Variants in VPS8 observed in about 807,000 individuals in gnomAD.
VPS8 encodes vacuolar protein sorting-associated protein 8 homolog.
In VPS8, 129 loss-of-function variants were observed where a neutral mutation model predicts 216.4. The ratio of observed to expected loss-of-function variants is 0.60; its 90% CI spans 0.52 to 0.69. The LOEUF is 0.69. Among genes scored for constraint, VPS8 ranks in the 30% least tolerant of loss-of-function variants. The pLI, the probability that VPS8 is intolerant of heterozygous loss-of-function variation, is 0.00. For synonymous variants in VPS8, 571 were observed against 565.4 expected (o/e 1.01, Z -0.14); for missense variants, 1,531 against 1,683.5 (o/e 0.91, Z 1.59).
At chr3:184,859,648 A>G (rs1332162741) in intron 14 of VPS8, among the ~76,000 whole-genome samples, 1 of 152,132 alleles carries the variant, frequency 6.6e-6, no homozygotes, top group Non-Finnish European at 1.5e-5. Context: ...ACTTCCTCAC[A>G]CCATGTCACC....
At position 184,936,264 on chromosome 3, in the gene VPS8, C is replaced by A. The variant is rs200456100; in HGVS notation, c.2917C>A (p.Pro973Thr). The stretch of plus-strand genomic sequence containing the variant: ...ACTCCAGGAACTCGTGTCCCTGAAG[C>A]CTTGTAAAGCTGCGGAGCTGGTTGC... ...DHIEELVSLK[P>T]CKAAELVATH... Residue 973 changes from proline to threonine, a missense_variant, in exon 35 of 48, where the codon CCT becomes ACT. Transcript: ENST00000625842. The A allele has an allele frequency of 1.9e-6, 3 of 1,610,048 alleles. No individual in the cohort carries two copies. In the South Asian group the frequency reaches 3.3e-5, roughly 18 times the overall value.
At chr3:185,025,002 C>CAAAAAAAA (rs10672539) in intron 46 of VPS8, among the ~76,000 whole-genome samples, 13,225 of 149,228 alleles carry the variant, frequency 0.089, 1,423 homozygotes, top group African/African-American at 0.26. Flanking sequence ...AACTCCATCT[C>CAAAAAAAA]AAAAAAAGAA....
intron 11 of VPS8, among the ~76,000 whole-genome samples, chr3:184,853,377 G>A (rs1443330382): frequency 2.6e-5 from 4 of 152,204 alleles, no homozygotes; most frequent in Non-Finnish European, 5.9e-5. Flanking sequence ...ATTCTGGAAT[G>A]CCTTTCTCAG....
chr3:185,048,738 A>G (rs1304330638), intron 47 of VPS8, among the ~76,000 whole-genome samples, 179 bp downstream of exon 47: 2 of 152,162 alleles, frequency 1.3e-5, no homozygotes, highest in Non-Finnish European at 2.9e-5. Flanking sequence ...AGCTTGGCAA[A>G]GAGAGCAAAG....
intron 37 of VPS8, among the ~76,000 whole-genome samples, chr3:184,962,054 A>C (rs561502355): frequency 6.6e-6 from 1 of 152,348 alleles, no homozygotes; most frequent in Admixed American, 6.5e-5. Context: ...GAGCCAGTGC[A>C]CCCGGCCACT....
At chr3:184,832,624 A>G (rs1720240391) in intron 3 of VPS8, 65 bp from the exon 4 acceptor site, 1 of 1,451,018 alleles carries the variant, frequency 6.9e-7, no homozygotes, top group Non-Finnish European at 9.3e-7. Context: ...AAACCCATTA[A>G]TGCCTGACTC....
At chr3:184,985,676 C>G (rs971123511) in intron 42 of VPS8, among the ~76,000 whole-genome samples, 3 of 152,206 alleles carry the variant, frequency 2.0e-5, no homozygotes, top group Non-Finnish European at 4.4e-5. Context: ...ATGGCCTAAA[C>G]AAGGCCAATC....
At chr3:184,882,167 C>T (rs540840475) in intron 21 of VPS8, among the ~76,000 whole-genome samples, 13 of 151,996 alleles carry the variant, frequency 8.6e-5, no homozygotes, top group Admixed American at 4.6e-4. Context: ...AGGGTAAAAA[C>T]ATTTGATTTT....
At chr3:185,002,163 C>T (rs930224651) in intron 45 of VPS8, among the ~76,000 whole-genome samples, 1 of 152,136 alleles carries the variant, frequency 6.6e-6, no homozygotes, top group Non-Finnish European at 1.5e-5. Flanking sequence ...CTCATGTGTG[C>T]CAATACTTAT....
At chr3:184,857,571 T>G (rs1040941026) in intron 14 of VPS8, among the ~76,000 whole-genome samples, 5 of 152,254 alleles carry the variant, frequency 3.3e-5, no homozygotes, top group African/African-American at 1.2e-4. Context: ...TGTGCTTTAT[T>G]ATGAGAGAAA....
chr3:184,999,617 C>G, intron 44 of VPS8, 79 bp from the exon 45 acceptor site: 2 of 1,463,382 alleles, frequency 1.4e-6, no homozygotes, highest in Non-Finnish European at 1.8e-6. Context: ...ATTTTTATTG[C>G]TTCTAAGTAC....
chr3:185,007,234 A>G (rs1017939169), intron 45 of VPS8, among the ~76,000 whole-genome samples: 1 of 152,196 alleles, frequency 6.6e-6, no homozygotes. Context: ...AGGCCTTGTA[A>G]CTCTATCTGA....
In VPS8 at chr3:184,978,915, A is replaced by G. The variant is rs1293250732; in HGVS notation, c.3421-3651A>G. ...TAGATTGTTAATTTGAGATCTTTCT[A>G]ACTTTTCGATGTGGGCATTTAGCAC... is the stretch of plus-strand genomic sequence containing the variant. On this transcript the variant is annotated intron_variant, in intron 40 of 47. Transcript: ENST00000625842. Among the ~76,000 whole-genome samples the G allele has an allele frequency of 3.3e-5, 5 of 152,064 alleles. No individual in the cohort carries two copies. The East Asian group carries it at 7.7e-4, about 23-fold the overall frequency.
At position 184,940,239 on chromosome 3, in the gene VPS8, C is replaced by T; in HGVS notation, c.3031C>T (p.Pro1011Ser). 1 of 1,443,188 alleles carries T rather than the reference C, an allele frequency of 6.9e-7. No individual in the cohort carries two copies. The highest frequency in any genetic ancestry group is 1.5e-5 in the South Asian group (1 of 66,840). The allele number at this position is 1,443,188 out of a possible 1,614,324, so 89.4% of individuals were successfully genotyped here. A position where few individuals can be genotyped will look rare whatever the true frequency, so the allele number is the denominator to read the frequency against. Reference protein sequence around the residue: ...LFKFLRSLLDPREGIHVNQEL... With the variant: ...LFKFLRSLLDSREGIHVNQEL... Reference sequence around the variant, plus strand: ...CAAATTTTTGAGGAGTCTTCTTGACCCAAGGTATGTTGACAAACTTTAGTC... The same window carrying T: ...CAAATTTTTGAGGAGTCTTCTTGACTCAAGGTATGTTGACAAACTTTAGTC... Residue 1011 changes from proline (P) to serine (S), a missense_variant, in exon 36 of 48, where the codon CCA (proline) becomes TCA (serine). Transcript: ENST00000625842.
chr3:184,911,055 C>T (rs1736430803), intron 25 of VPS8, among the ~76,000 whole-genome samples: 1 of 152,180 alleles, frequency 6.6e-6, no homozygotes, highest in South Asian at 2.1e-4. Context: ...ACATCTCTCT[C>T]TACCAGAAAT....
intron 45 of VPS8, among the ~76,000 whole-genome samples, chr3:185,004,313 AC>A (rs1245747689): frequency 6.6e-6 from 1 of 152,270 alleles, no homozygotes; most frequent in South Asian, 2.1e-4. Flanking sequence ...CCCCGTCTCC[AC>A]CAAAAAAATA....
At chr3:184,846,355 A>G (rs2108629611) in intron 8 of VPS8, among the ~76,000 whole-genome samples, 1 of 152,370 alleles carries the variant, frequency 6.6e-6, no homozygotes, top group African/African-American at 2.4e-5. Context: ...AACAACAGTC[A>G]GGAAAGCACA....
chr3:184,919,535 A>G (rs573992600), intron 28 of VPS8, among the ~76,000 whole-genome samples: 11 of 152,314 alleles, frequency 7.2e-5, no homozygotes, highest in African/African-American at 2.6e-4. Flanking sequence ...TGTTATGTTC[A>G]AAGTATTTTG....
chr3:184,952,347 G>A (rs530274622), intron 36 of VPS8, among the ~76,000 whole-genome samples: 18 of 152,320 alleles, frequency 1.2e-4, no homozygotes, highest in Non-Finnish European at 2.4e-4. Context: ...CACCAACTGG[G>A]TAGCCTACAA....
Sources: allele counts gnomAD v4.1 joint callset (sites outside exome capture counted in the v4.1 genomes callset), GRCh38; gene constraint gnomAD v4.1.1; transcripts MANE v1.5; gene names NCBI Gene and HGNC (gene_info 2026-07-23, HGNC 2026-07-21).